VPS26A: variants seen among roughly 807,000 people sequenced by gnomAD.
VPS26A encodes the protein VPS26 retromer complex component A, also known as vacuolar protein sorting-associated protein 26A.
VPS26A carries 22 observed loss-of-function variants against 42.4 expected under a neutral mutation model. That is an observed-to-expected ratio of 0.52 (90% CI 0.37 to 0.74). The LOEUF (loss-of-function observed/expected upper bound fraction) is 0.74. VPS26A is among the 30% of genes least tolerant of loss of function. The pLI, the probability that VPS26A is intolerant of heterozygous loss-of-function variation, is 0.00. For missense variants in VPS26A, 276 were observed against 379.2 expected, an observed-to-expected ratio of 0.73 and a Z score of 2.26; for synonymous variants, 110 against 123.5, an observed-to-expected ratio of 0.89 and a Z score of 0.73.
chr10:69,139,275 CA>C (rs1212807951), intron 2 of VPS26A, among the ~76,000 whole-genome samples: 3 of 151,984 alleles, frequency 2.0e-5, no homozygotes, highest in African/African-American at 7.2e-5. Context: ...TCTTGGCTTA[CA>C]TTTTTTTGAG....
chr10:69,124,941 A>G (rs939152244), intron 1 of VPS26A, among the ~76,000 whole-genome samples: 3 of 152,160 alleles, frequency 2.0e-5, no homozygotes, highest in Non-Finnish European at 2.9e-5. Context: ...GCTGAACTTA[A>G]CGCTCTGGGT....
At chr10:69,145,252 C>T (rs1207823972) in intron 2 of VPS26A, among the ~76,000 whole-genome samples, 1 of 151,992 alleles carries the variant, frequency 6.6e-6, no homozygotes, top group Non-Finnish European at 1.5e-5. Context: ...CCAGGCTGGT[C>T]ACGAACTCAT....
At chr10:69,168,685 C>G in intron 8 of VPS26A, 54 bp downstream of exon 8, 1 of 1,581,984 alleles carries the variant, frequency 6.3e-7, no homozygotes, top group Non-Finnish European at 8.6e-7. Flanking sequence ...AAAAATACCT[C>G]GAAAGCACTC....
At chr10:69,133,463 GTTT>G in intron 2 of VPS26A, 1 of 941,276 alleles carries the variant, frequency 1.1e-6, no homozygotes, top group Admixed American at 3.7e-5. Context: ...CTTTCTAAAG[GTTT>G]TTTTACATTC....
intron 1 of VPS26A, among the ~76,000 whole-genome samples, chr10:69,130,590 G>A (rs1482825336): frequency 6.6e-6 from 1 of 152,076 alleles, no homozygotes; most frequent in Non-Finnish European, 1.5e-5. Context: ...TACACGAATA[G>A]GTGTATAGCT....
chr10:69,131,131 A>G (rs1840768159), intron 1 of VPS26A, among the ~76,000 whole-genome samples: 1 of 152,088 alleles, frequency 6.6e-6, no homozygotes. Context: ...GACTGCAGGC[A>G]TGCACCACCA....
chr10:69,164,477 A>G (rs932668211), intron 6 of VPS26A, among the ~76,000 whole-genome samples: 1 of 152,168 alleles, frequency 6.6e-6, no homozygotes, highest in East Asian at 1.9e-4. Flanking sequence ...TCAGCATCCC[A>G]AATTGCTGGG....
intron 5 of VPS26A, among the ~76,000 whole-genome samples, chr10:69,160,457 ATAT>A (rs1841532806): frequency 7.1e-6 from 1 of 140,012 alleles, no homozygotes; most frequent in African/African-American, 2.7e-5. Context: ...CGCGCCCAAC[ATAT>A]TTTTTTTTTT....
chr10:69,132,341 GT>G (rs67879780), intron 1 of VPS26A, among the ~76,000 whole-genome samples: 80,274 of 149,064 alleles, frequency 0.54, 23,364 homozygotes, highest in Middle Eastern at 0.74. Context: ...TTTGTTTAGG[GT>G]TTTTTTTTTG....
At chr10:69,169,240 A>T (rs1169378729) in intron 8 of VPS26A, among the ~76,000 whole-genome samples, 1 of 149,220 alleles carries the variant, frequency 6.7e-6, no homozygotes, top group African/African-American at 2.5e-5. Flanking sequence ...CTTAACAAAT[A>T]TACATTATTA....
At chr10:69,127,822 A>G (rs901294447) in intron 1 of VPS26A, among the ~76,000 whole-genome samples, 5 of 139,314 alleles carry the variant, frequency 3.6e-5, no homozygotes, top group African/African-American at 1.4e-4. Context: ...TCAGCCTCCC[A>G]AGTAGCTGGG....
At chr10:69,158,276 C>T in intron 5 of VPS26A, 65 bp downstream of exon 5, 2 of 1,330,186 alleles carry the variant, frequency 1.5e-6, no homozygotes, top group South Asian at 3.2e-5. Flanking sequence ...AGGTGTTTGT[C>T]AGTTGGTCAA....
intron 5 of VPS26A, chr10:69,161,546 A>G (rs1330879167): frequency 4.6e-6 from 1 of 216,770 alleles, no homozygotes; most frequent in East Asian, 1.1e-4. Context: ...CATTTGAAGT[A>G]TTCTCTGATG....
chr10:69,155,716 C>A, intron 2 of VPS26A, 96 bp from the exon 3 acceptor site: 1 of 897,452 alleles, frequency 1.1e-6, no homozygotes, highest in Non-Finnish European at 1.8e-6. Flanking sequence ...AAATGAATAC[C>A]TGAAATATTT....
Position 69,124,253 on chromosome 10 carries a change from G to T in VPS26A, c.-25G>T, listed in dbSNP as rs377306327. Reference sequence around the variant, plus strand: ...TCCTGAGGGAAGAGGAGTGGAGTAGGGGGGACGCGGCGGCGGCGTTGACAA... The same window carrying T: ...TCCTGAGGGAAGAGGAGTGGAGTAGTGGGGACGCGGCGGCGGCGTTGACAA... On this transcript the variant is annotated 5_prime_UTR_variant, in exon 1 of 9. Transcript: ENST00000263559. The T allele has an allele frequency of 7.8e-7, 1 of 1,285,516 alleles. No individual in the cohort carries two copies. Among genetic ancestry groups the T allele is most frequent in the Admixed American group, 3.6e-5 (1 of 27,722 alleles). The allele number at this position is 1,285,516 out of a possible 1,614,324, so 79.6% of individuals were successfully genotyped here. A position where few individuals can be genotyped will look rare whatever the true frequency, so the allele number is the denominator to read the frequency against.
At chr10:69,126,579 A>G (rs147186379) in intron 1 of VPS26A, among the ~76,000 whole-genome samples, 70,333 of 151,192 alleles carry the variant, frequency 0.47, 18,695 homozygotes, top group Middle Eastern at 0.71. Context: ...AAAAAAAAAA[A>G]AAAAAAAAAT....
chr10:69,136,723 G>C (rs1410527128), intron 2 of VPS26A, among the ~76,000 whole-genome samples: 1 of 152,114 alleles, frequency 6.6e-6, no homozygotes, highest in Non-Finnish European at 1.5e-5. Flanking sequence ...TTGTGACCTA[G>C]TGGTACAGCT....
chr10:69,139,952 T>G (rs1231906178), intron 2 of VPS26A, among the ~76,000 whole-genome samples: 1 of 152,204 alleles, frequency 6.6e-6, no homozygotes, highest in Non-Finnish European at 1.5e-5. Flanking sequence ...AGTTTTGATC[T>G]ATCTTGTCTG....
chr10:69,168,357 C>A (rs766073177), intron 7 of VPS26A, 132 bp from the exon 8 acceptor site: 1 of 1,008,244 alleles, frequency 9.9e-7, no homozygotes, highest in South Asian at 1.6e-5. Flanking sequence ...TGAGGATGAA[C>A]CCTGGTCTTT....
Sources: gnomAD v4.1 joint callset for allele counts (sites outside exome capture counted in the v4.1 genomes callset) on GRCh38, gnomAD v4.1.1 for gene constraint, MANE v1.5 for transcripts, NCBI Gene and HGNC (gene_info 2026-07-23, HGNC 2026-07-21) for gene names.